Variants in SERPINA7 observed in about 807,000 individuals in gnomAD.
The protein encoded by SERPINA7 is serpin family A member 7.
SERPINA7 carries 14 observed loss-of-function variants against 16.0 expected under a neutral mutation model. The observed-to-expected ratio is 0.88, with a 90% CI of 0.58 to 1.37. SERPINA7 has a LOEUF of 1.37. Among genes scored for constraint, SERPINA7 ranks in the 40% most tolerant of loss-of-function variants. SERPINA7 has a pLI of 0.00. For synonymous variants in SERPINA7, 140 were observed against 111.0 expected (o/e 1.26, Z -1.65); for missense variants, 335 against 296.6 (o/e 1.13, Z -0.95).
Position 106,036,688 on chromosome X carries a change from T to C in SERPINA7, c.371A>G (p.Lys124Arg). 1 of 1,211,335 alleles carries C rather than the reference T, an allele frequency of 8.3e-7. No homozygotes were observed. The highest frequency in any genetic ancestry group is 1.7e-5 in the African/African-American group (1 of 57,723). ...ATTTCCTATCTGCAATTCCAGTTCC[T>C]TCTTTGGAAAATTCAGTGAACAGAT... is the stretch of plus-strand genomic sequence containing the variant. ...HLICSLNFPKKELELQIGNAL... is the reference protein window; with the variant it reads ...HLICSLNFPKRELELQIGNAL... The change falls in exon 2 of 5, where the codon AAG (lysine) becomes AGG (arginine). Residue 124 changes from lysine (K) to arginine (R), a missense_variant. Transcript: ENST00000372563.
chrX:106,034,094 TG>T, intron 4 of SERPINA7, 140 bp downstream of exon 4: 1 of 593,093 alleles, frequency 1.7e-6, no homozygotes, highest in Non-Finnish European at 2.8e-6. Flanking sequence ...GGAATGACTC[TG>T]GAGTGATTCT....
At position 106,033,304 on chromosome X, in the gene SERPINA7, A is replaced by G. The variant is rs1440765272; in HGVS notation, c.*196T>C. 7 of 473,626 alleles carry G rather than the reference A, an allele frequency of 1.5e-5. No homozygotes were observed. In the Admixed American group the frequency reaches 1.9e-4, roughly 13 times the overall value. 39.0% of individuals were successfully genotyped at this position (473,626 alleles called of 1,213,427 possible). On this transcript the variant is annotated 3_prime_UTR_variant, in exon 5 of 5. Coordinates refer to ENST00000372563, the MANE Select transcript of SERPINA7 (RefSeq NM_000354.6). The stretch of plus-strand genomic sequence containing the variant: ...CTTCCTATGCTTTGGATAATAATGA[A>G]TTACTCATTGACATTCTGAATGCTC...
At chrX:106,037,452 G>T in intron 1 of SERPINA7, 1 of 146,852 alleles carries the variant, frequency 6.8e-6, no homozygotes, top group Non-Finnish European at 1.3e-5. Flanking sequence ...TACTCCCTCT[G>T]TATACATTAT....
In SERPINA7 at chrX:106,037,041, A is replaced by G. The variant is rs1050084; in HGVS notation, c.18T>C (p.Tyr6=). The change falls in exon 2 of 5, where the codon TAT becomes TAC. Residue 6 remains tyrosine (Y), a synonymous_variant. Transcript: ENST00000372563. The part of the protein sequence containing the change: MSPFL[Y]LVLLVLGLHA... ...GAAGCCCAAGTACCAAGAGAACCAG[A>G]TACAGGAATGGTGACATTTTGGAAG... The G allele has an allele frequency of 8.3e-7, 1 of 1,207,851 alleles. No homozygotes were observed. Among genetic ancestry groups the G allele is most frequent in the African/African-American group, 1.8e-5 (1 of 56,920 alleles).
At chrX:106,033,779 GGGAAA>G in intron 4 of SERPINA7, 76 bp from the exon 5 acceptor site, 1 of 1,208,740 alleles carries the variant, frequency 8.3e-7, no homozygotes, top group Non-Finnish European at 1.1e-6. Flanking sequence ...AAGTAAGAAA[GGGAAA>G]GGAAAGGTGG....
intron 3 of SERPINA7, among the ~76,000 whole-genome samples, chrX:106,034,756 C>T (rs1161392679): frequency 8.9e-6 from 1 of 111,937 alleles, no homozygotes; most frequent in Non-Finnish European, 1.9e-5. Context: ...AATCACCTTT[C>T]AACATCAAAA....
chrX:106,036,952 T>C lies in SERPINA7; in HGVS notation c.107A>G (p.Asn36Ser). Residue 36 changes from asparagine (N) to serine (S), a missense_variant, in exon 2 of 5, where the codon AAT (asparagine) becomes AGT (serine). Asn to Ser is a conservative substitution (Grantham distance 46). Transcript: ENST00000372563. Reference sequence around the variant, plus strand: ...GGATGACATCTTGTAGAGAGTGGCATTTGGTTGGGATGAATGGCAGGCTGT... The same window carrying C: ...GGATGACATCTTGTAGAGAGTGGCACTTGGTTGGGATGAATGGCAGGCTGT... ...KVTACHSSQP[N>S]ATLYKMSSIN... The C allele has an allele frequency of 3.3e-6, 4 of 1,211,040 alleles. No individual in the cohort carries two copies. The highest frequency in any genetic ancestry group is 3.4e-6 in the Non-Finnish European group (3 of 895,109).
rs2041421142 is a variant in SERPINA7 at position 106,033,227 on chromosome X, A to G, written c.*273T>C. Reference sequence around the variant, plus strand: ...TTTTCAACCCAGTCAAATTTATTAGAGCAAATGAGTTGAGGGGTATTCTGA... The same window carrying G: ...TTTTCAACCCAGTCAAATTTATTAGGGCAAATGAGTTGAGGGGTATTCTGA... On this transcript the variant is annotated 3_prime_UTR_variant, in exon 5 of 5. Transcript: ENST00000372563. The G allele has an allele frequency of 8.2e-6, 3 of 365,179 alleles. No individual in the cohort carries two copies. In the East Asian group the frequency reaches 1.5e-4, roughly 18 times the overall value. 30.1% of individuals were successfully genotyped at this position (365,179 alleles called of 1,213,427 possible).
chrX:106,037,849 C>A (rs2041463687), intron 1 of SERPINA7, among the ~76,000 whole-genome samples: 1 of 111,298 alleles, frequency 9.0e-6, no homozygotes, highest in Non-Finnish European at 1.9e-5. Context: ...ATAAAGAAAG[C>A]CAGAAAGATA....
At position 106,033,470 on chromosome X, in the gene SERPINA7, C is replaced by T. The variant is rs1379831666; in HGVS notation, c.*30G>A. ...TATTTATTTCCCATTGCAATACACACGTGCAATTAGCCAATGGCCTTTTTC... is the reference window on the plus strand; with the variant it reads ...TATTTATTTCCCATTGCAATACACATGTGCAATTAGCCAATGGCCTTTTTC... On this transcript the variant is annotated 3_prime_UTR_variant, in exon 5 of 5. Coordinates refer to ENST00000372563, the MANE Select transcript of SERPINA7 (RefSeq NM_000354.6). 8.3e-7 allele frequency: 1 copy of T among 1,201,983 alleles called. No homozygotes were observed. The highest frequency in any genetic ancestry group is 1.1e-6 in the Non-Finnish European group (1 of 886,677).
At position 106,036,568 on chromosome X, in the gene SERPINA7, G is replaced by C. The variant is rs1416170207; in HGVS notation, c.491C>G (p.Ser164Cys). ...YETEVFSTDF[S>C]NISAAKQEIN... ...CTCCTGCTTGGCTGCAGAAATGTTG[G>C]AGAAGTCGGTAGAAAAGACTTCAGT... Residue 164 changes from serine (S) to cysteine (C), a missense_variant, in exon 2 of 5, where the codon TCC becomes TGC. Transcript: ENST00000372563. 8.3e-7 allele frequency: 1 copy of C among 1,211,152 alleles called. No individual in the cohort carries two copies. Among genetic ancestry groups the C allele is most frequent in the Non-Finnish European group, 1.1e-6 (1 of 895,167 alleles).
rs1406145576 is a variant in SERPINA7 at position 106,034,264 on chromosome X, T to C, written c.1015A>G (p.Thr339Ala). Residue 339 changes from threonine to alanine, a missense_variant, in exon 4 of 5, where the codon ACA (threonine) becomes GCA (alanine). By Grantham distance (58) the Thr-to-Ala change is moderately conservative. Coordinates refer to ENST00000372563, the MANE Select transcript of SERPINA7 (RefSeq NM_000354.6). ...GAAAGTTTCAGACCATTGTCCTCTGTGAGTCCAGAAAAATCAGCATTTTCA... is the reference window on the plus strand; with the variant it reads ...GAAAGTTTCAGACCATTGTCCTCTGCGAGTCCAGAAAAATCAGCATTTTCA... The part of the protein sequence containing the change: ...YSENADFSGL[T>A]EDNGLKLSNA... 8.3e-7 allele frequency: 1 copy of C among 1,209,227 alleles called. No homozygotes were observed. Among genetic ancestry groups the C allele is most frequent in the Non-Finnish European group, 1.1e-6 (1 of 894,396 alleles).
At position 106,037,294 on chromosome X, in the gene SERPINA7, C is replaced by T. The variant is rs140646558; in HGVS notation, c.-17-219G>A. 5.3e-3 allele frequency: 2,075 copies of T among 389,839 alleles called. 7 individuals carry two copies. The highest frequency in any genetic ancestry group is 0.015 in the African/African-American group (595 of 39,361). 32.1% of individuals were successfully genotyped at this position (389,839 alleles called of 1,213,427 possible). ...TAGGAGAAGTGGCTTGCTGCAACCA[C>T]GGAAATAATGCCATGGACTGTCATT... On this transcript the variant is annotated intron_variant, in intron 1 of 4. Coordinates refer to ENST00000372563, the MANE Select transcript of SERPINA7 (RefSeq NM_000354.6).
At chrX:106,034,656 G>A (rs971138943) in intron 3 of SERPINA7, among the ~76,000 whole-genome samples, 7 of 111,944 alleles carry the variant, frequency 6.3e-5, no homozygotes, top group Non-Finnish European at 9.4e-5. Context: ...GACGACCAAG[G>A]TTGGGGAGCT....
At chrX:106,034,641 G>A (rs192092406) in intron 3 of SERPINA7, among the ~76,000 whole-genome samples, 13 of 112,012 alleles carry the variant, frequency 1.2e-4, no homozygotes, top group Non-Finnish European at 2.4e-4. Context: ...AAATATCCCT[G>A]AGGTGACGAC....
chrX:106,036,458 C>G lies in SERPINA7; in HGVS notation c.601G>C (p.Val201Leu). Reference sequence around the variant, plus strand: ...TTACCTTTAAAGTGAATATAGTTCACTAAGACCATGATGGTGTTTGGCTTG... The same window carrying G: ...TTACCTTTAAAGTGAATATAGTTCAGTAAGACCATGATGGTGTTTGGCTTG... ...DLKPNTIMVL[V>L]NYIHFKAQWA... The change falls in exon 2 of 5, where the codon GTG (valine) becomes CTG (leucine). Residue 201 changes from valine (V) to leucine (L), a missense_variant. Coordinates refer to ENST00000372563, the MANE Select transcript of SERPINA7 (RefSeq NM_000354.6). 8.3e-7 allele frequency: 1 copy of G among 1,211,129 alleles called. No homozygotes were observed. The highest frequency in any genetic ancestry group is 1.1e-6 in the Non-Finnish European group (1 of 895,020).
At chrX:106,037,323 A>G in intron 1 of SERPINA7, 1 of 357,288 alleles carries the variant, frequency 2.8e-6, no homozygotes, top group East Asian at 4.7e-5. Flanking sequence ...TGTCATTCAG[A>G]TGTTATAGCA....
chrX:106,033,779 G>A (rs1480273830), intron 4 of SERPINA7, 76 bp from the exon 5 acceptor site: 2 of 1,207,002 alleles, frequency 1.7e-6, no homozygotes, highest in East Asian at 5.9e-5. Flanking sequence ...AAGTAAGAAA[G>A]GGAAAGGAAA....
In SERPINA7 at chrX:106,037,071, T is replaced by C; in HGVS notation, c.-13A>G. ...GGAATGGTGACATTTTGGAAGGAAG[T>C]TAATCTATAAGAGATGAAGTGAGAC... On this transcript the variant is annotated 5_prime_UTR_variant, in exon 2 of 5. Coordinates refer to ENST00000372563, the MANE Select transcript of SERPINA7 (RefSeq NM_000354.6). 3 of 1,206,885 alleles carry C rather than the reference T, an allele frequency of 2.5e-6. No individual in the cohort carries two copies. The highest frequency in any genetic ancestry group is 3.4e-6 in the Non-Finnish European group (3 of 891,772).
Sources: gnomAD v4.1 joint callset for allele counts (sites outside exome capture counted in the v4.1 genomes callset) on GRCh38, gnomAD v4.1.1 for gene constraint, MANE v1.5 for transcripts, NCBI Gene and HGNC (gene_info 2026-07-23, HGNC 2026-07-21) for gene names.